EMSY: variants seen among roughly 807,000 people sequenced by gnomAD.
EMSY encodes the protein BRCA2-interacting transcriptional repressor EMSY.
EMSY carries 26 observed loss-of-function variants against 134.6 expected under a neutral mutation model. The observed-to-expected ratio is 0.19, with a 90% CI of 0.14 to 0.27. The LOEUF is 0.27. Ranked by LOEUF, EMSY falls within the 10% of genes least tolerant of loss-of-function variation. EMSY has a pLI of 1.00. For missense variants in EMSY, 1,305 were observed against 1,611.4 expected, an observed-to-expected ratio of 0.81 and a Z score of 3.26; for synonymous variants, 579 against 577.8, an observed-to-expected ratio of 1.00 and a Z score of -0.03.
intron 20 of EMSY, among the ~76,000 whole-genome samples, chr11:76,548,840 C>T (rs1951746413): frequency 6.6e-6 from 1 of 152,180 alleles, no homozygotes; most frequent in South Asian, 2.1e-4. Context: ...TTGCAAAGTG[C>T]TGATATTCAA....
intron 9 of EMSY, among the ~76,000 whole-genome samples, chr11:76,505,847 A>G (rs1205939709): frequency 6.7e-6 from 1 of 148,776 alleles, no homozygotes; most frequent in Non-Finnish European, 1.5e-5. Context: ...ACAGAGCGAG[A>G]CTCTGTCTCA....
intron 7 of EMSY, among the ~76,000 whole-genome samples, chr11:76,470,468 C>T (rs970401426): frequency 6.6e-6 from 1 of 152,138 alleles, no homozygotes; most frequent in Non-Finnish European, 1.5e-5. Context: ...AGGAGCTATT[C>T]TTGATTCCGT....
chr11:76,548,381 T>TC (rs1951727827), intron 20 of EMSY, among the ~76,000 whole-genome samples: 2 of 152,270 alleles, frequency 1.3e-5, no homozygotes, highest in South Asian at 4.1e-4. Flanking sequence ...ATTGGTTGAT[T>TC]CGTTCATTCA....
At chr11:76,475,614 G>A (rs1315916795) in intron 8 of EMSY, among the ~76,000 whole-genome samples, 1 of 152,206 alleles carries the variant, frequency 6.6e-6, no homozygotes, top group Non-Finnish European at 1.5e-5. Context: ...TCAAGGAAAC[G>A]ATGTGATTAT....
At chr11:76,462,590 G>A (rs1333323741) in intron 6 of EMSY, among the ~76,000 whole-genome samples, 1 of 152,200 alleles carries the variant, frequency 6.6e-6, no homozygotes, top group Non-Finnish European at 1.5e-5. Flanking sequence ...TAAGGAGATG[G>A]CTTGTAGGAT....
Position 76,475,310 on chromosome 11 carries a change from G to A in EMSY, c.1108+2470G>A, listed in dbSNP as rs570890736. ...GAAAGATTACTGTTTTTCTAAGGTA[G>A]ATGGTACTATTTGAGATGAGAGATA... On this transcript the variant is annotated intron_variant, in intron 8 of 20. Coordinates refer to ENST00000334736, the Ensembl canonical transcript of EMSY. Among the ~76,000 whole-genome samples the A allele has an allele frequency of 2.0e-3, 299 of 152,332 alleles. 1 individual carries two copies. The highest frequency in any genetic ancestry group is 7.0e-3 in the African/African-American group (291 of 41,588).
intron 12 of EMSY, 73 bp from the exon 14 acceptor site, chr11:76,526,389 T>C: frequency 8.6e-7 from 1 of 1,165,722 alleles, no homozygotes; most frequent in Non-Finnish European, 1.2e-6. Flanking sequence ...AAAACCTTAC[T>C]GATTTTTCAG....
At chr11:76,449,961 T>G (rs1947585665) in intron 2 of EMSY, among the ~76,000 whole-genome samples, 1 of 152,164 alleles carries the variant, frequency 6.6e-6, no homozygotes, top group Non-Finnish European at 1.5e-5. Context: ...CTGCCCTTAG[T>G]ATAAAACTCT....
At chr11:76,546,403 A>ATT (rs879938433) in intron 20 of EMSY, 106 bp downstream of exon 21, 1 of 1,409,858 alleles carries the variant, frequency 7.1e-7, no homozygotes, top group Non-Finnish European at 9.6e-7. Flanking sequence ...AGACAGCAGG[A>ATT]AGACATAGAT....
intron 11 of EMSY, among the ~76,000 whole-genome samples, chr11:76,518,262 G>A (rs1451130636): frequency 6.7e-6 from 1 of 149,738 alleles, no homozygotes; most frequent in Non-Finnish European, 1.5e-5. Flanking sequence ...CAGCCTCCTG[G>A]GCTCAAGCAA....
At chr11:76,533,650 A>G (rs1335292522) in intron 14 of EMSY, among the ~76,000 whole-genome samples, 4 of 152,200 alleles carry the variant, frequency 2.6e-5, no homozygotes, top group Admixed American at 6.5e-5. Context: ...ATATTCTTCC[A>G]TAGAGATGTC....
intron 9 of EMSY, among the ~76,000 whole-genome samples, chr11:76,504,487 T>G (rs906130691): frequency 2.0e-5 from 3 of 152,084 alleles, no homozygotes; most frequent in Non-Finnish European, 4.4e-5. Context: ...TGAAATATAC[T>G]TTACACAAAG....
At chr11:76,453,194 C>A (rs1054647855) in intron 3 of EMSY, 120 bp from the exon 4 acceptor site, 7 of 765,708 alleles carry the variant, frequency 9.1e-6, no homozygotes, top group East Asian at 2.7e-5. Flanking sequence ...CTGTCTATAT[C>A]TTTTCACAAA....
chr11:76,507,024 A>T (rs1003789827), intron 9 of EMSY, among the ~76,000 whole-genome samples: 1 of 152,260 alleles, frequency 6.6e-6, no homozygotes, highest in African/African-American at 2.4e-5. Context: ...AAATAAAGTG[A>T]ATATCACAAC....
At chr11:76,518,703 A>ATATATATTT (rs57143914) in intron 11 of EMSY, among the ~76,000 whole-genome samples, 89 of 130,192 alleles carry the variant, frequency 6.8e-4, no homozygotes, top group South Asian at 1.6e-3. Flanking sequence ...ATATATATAT[A>ATATATATTT]TTTTTTTTTT....
intron 9 of EMSY, among the ~76,000 whole-genome samples, chr11:76,509,675 GA>G (rs551866869): frequency 4.5e-4 from 68 of 152,290 alleles, no homozygotes; most frequent in African/African-American, 1.0e-3. Context: ...AGGTGGGGGG[GA>G]AAGCAAGGTG....
chr11:76,494,255 A>G (rs1192715692), intron 8 of EMSY, among the ~76,000 whole-genome samples: 4 of 152,156 alleles, frequency 2.6e-5, no homozygotes, highest in Admixed American at 2.6e-4. Context: ...GGCAAGCAAT[A>G]CTCAGGTAGA....
chr11:76,547,145 ATATATAGCTTGGAAGGT>A (rs1222282079), intron 20 of EMSY: 2 of 440,238 alleles, frequency 4.5e-6, no homozygotes, highest in Non-Finnish European at 4.5e-6. Context: ...TGCTAAACAG[ATATATAGCTTGGAAGGT>A]ATCAGAATAG....
rs1948650604 is a variant in EMSY at position 76,473,401 on chromosome 11, G to A, written c.1108+561G>A. 3.3e-5 allele frequency among the ~76,000 whole-genome samples: 5 copies of A among 151,850 alleles called. No homozygotes were observed. The South Asian group carries it at 1.0e-3, about 32-fold the overall frequency. On this transcript the variant is annotated intron_variant, in intron 8 of 20. Coordinates refer to ENST00000334736, the Ensembl canonical transcript of EMSY. ...GGCTCACTGCAACCTCCACCTCCCG[G>A]GCTTAAGTGATCCTCCCACCTCAGC...
Sources: allele counts gnomAD v4.1 joint callset (sites outside exome capture counted in the v4.1 genomes callset), GRCh38; gene constraint gnomAD v4.1.1; transcripts MANE v1.5; gene names NCBI Gene and HGNC (gene_info 2026-07-23, HGNC 2026-07-21).